Variants in GRIN2B observed in about 807,000 individuals in gnomAD.
The protein encoded by GRIN2B is glutamate ionotropic receptor NMDA type subunit 2B, also known as glutamate receptor ionotropic, NMDA 2B.
Under a neutral mutation model 114.5 loss-of-function variants are expected in GRIN2B, and 5 were observed. That is an observed-to-expected ratio of 0.04 (90% CI 0.02 to 0.09). The LOEUF (loss-of-function observed/expected upper bound fraction) is 0.09. GRIN2B is among the 10% of genes least tolerant of loss of function. GRIN2B has a pLI of 1.00. For synonymous variants in GRIN2B, 787 were observed against 745.1 expected (o/e 1.06, Z -0.92); for missense variants, 1,108 against 1,943.5 (o/e 0.57, Z 8.08).
intron 4 of GRIN2B, among the ~76,000 whole-genome samples, chr12:13,736,593 C>A (rs1448813921): frequency 2.0e-5 from 3 of 152,046 alleles, no homozygotes; most frequent in African/African-American, 7.2e-5. Context: ...CGTCTATTTA[C>A]TTTCAAATAA....
chr12:13,886,860 C>T (rs1023178220), intron 2 of GRIN2B, among the ~76,000 whole-genome samples: 2 of 152,200 alleles, frequency 1.3e-5, no homozygotes, highest in African/African-American at 4.8e-5. Flanking sequence ...TTATACAGTA[C>T]TCATGTCACA....
At chr12:13,666,038 AGCAAAC>A (rs1949971404) in intron 5 of GRIN2B, among the ~76,000 whole-genome samples, 2 of 152,220 alleles carry the variant, frequency 1.3e-5, no homozygotes, top group South Asian at 4.1e-4. Context: ...GACATCTGAC[AGCAAAC>A]GCTTGAGCTA....
chr12:13,941,067 TCACACACACA>T (rs57165618), intron 2 of GRIN2B, among the ~76,000 whole-genome samples: 1 of 150,748 alleles, frequency 6.6e-6, no homozygotes, highest in African/African-American at 2.4e-5. Context: ...ACACATATGT[TCACACACACA>T]CACACACACA....
chr12:13,560,038 G>A lies in GRIN2B; in HGVS notation c.*2745C>T, dbSNP rs1285391040. On this transcript the variant is annotated 3_prime_UTR_variant, in exon 14 of 14. Transcript: ENST00000609686. ...TCTTTGTGTGGAATGTGGTAACCTA[G>A]GGTCTACCTAGAAGATAGGAGTCAG... is the stretch of plus-strand genomic sequence containing the variant. The A allele has an allele frequency of 2.0e-5, 3 of 152,182 alleles. No individual in the cohort carries two copies. The highest frequency in any genetic ancestry group is 4.4e-5 in the Non-Finnish European group (3 of 68,022). 9.4% of individuals were successfully genotyped at this position (152,182 alleles called of 1,614,324 possible).
intron 10 of GRIN2B, among the ~76,000 whole-genome samples, chr12:13,579,855 T>C (rs1345646824): frequency 2.0e-5 from 3 of 152,134 alleles, no homozygotes; most frequent in Non-Finnish European, 4.4e-5. Flanking sequence ...CATTGACATA[T>C]AAATTTCCTG....
intron 4 of GRIN2B, among the ~76,000 whole-genome samples, chr12:13,700,753 TA>T (rs751123285): frequency 6.6e-5 from 10 of 152,220 alleles, no homozygotes; most frequent in Non-Finnish European, 1.3e-4. Context: ...GGGTCCTTCC[TA>T]AACTGTGAAA....
chr12:13,923,593 G>A (rs2136815472), intron 2 of GRIN2B, among the ~76,000 whole-genome samples: 1 of 152,222 alleles, frequency 6.6e-6, no homozygotes, highest in South Asian at 2.1e-4. Context: ...TAAATCCAAG[G>A]GAGTTTAGAG....
chr12:13,954,122 C>G (rs924843493), intron 2 of GRIN2B, among the ~76,000 whole-genome samples: 1 of 152,216 alleles, frequency 6.6e-6, no homozygotes, highest in Non-Finnish European at 1.5e-5. Context: ...CTCAGCCACA[C>G]AATGAGTTGT....
chr12:13,889,245 G>T (rs78384250), intron 2 of GRIN2B, among the ~76,000 whole-genome samples: 1,597 of 152,226 alleles, frequency 0.01, 16 homozygotes, highest in African/African-American at 0.024. Context: ...ATCATCTTAT[G>T]GGACCACCGT....
rs564421878 is a variant in GRIN2B, at chr12:13,571,493, C to T, written c.2171+311G>A. ...CTTGGACAACAGGTCTTTACATACA[C>T]GGCACAAATACCTTATCCTTCACTC... On this transcript the variant is annotated intron_variant, in intron 11 of 13. Coordinates refer to ENST00000609686, the MANE Select transcript of GRIN2B (RefSeq NM_000834.5). 6.6e-5 allele frequency among the ~76,000 whole-genome samples: 10 copies of T among 151,222 alleles called. No homozygotes were observed. The East Asian group carries it at 7.8e-4, about 12-fold the overall frequency.
rs77714030 is a variant in GRIN2B, at chr12:13,542,732, C to T, written c.*20051G>A. On this transcript the variant is annotated 3_prime_UTR_variant, in exon 14 of 14. Transcript: ENST00000609686. ...CTCCCATCTCAGCTCATTTCCCTTC[C>T]TTTACCAACTCCCAAATCCTGCCTA... The T allele has an allele frequency of 0.029, 4,361 of 152,414 alleles. 103 individuals carry two copies. Among genetic ancestry groups the T allele is most frequent in the East Asian group, 0.092 (479 of 5,182 alleles). The allele number at this position is 152,414 out of a possible 1,614,324, so 9.4% of individuals were successfully genotyped here.
intron 2 of GRIN2B, among the ~76,000 whole-genome samples, chr12:13,881,184 T>C (rs763420962): frequency 1.3e-5 from 2 of 152,242 alleles, no homozygotes; most frequent in Non-Finnish European, 2.9e-5. Flanking sequence ...AATATGTTCA[T>C]GAACAACTCC....
intron 2 of GRIN2B, among the ~76,000 whole-genome samples, chr12:13,959,769 CT>C (rs3082919): frequency 0.4 from 53,237 of 132,222 alleles, 10,894 homozygotes; most frequent in Middle Eastern, 0.57. Context: ...TTTTCTTTTT[CT>C]TTTTTTTTTT....
At chr12:13,863,374 A>C (rs1006405744) in intron 3 of GRIN2B, among the ~76,000 whole-genome samples, 1 of 152,222 alleles carries the variant, frequency 6.6e-6, no homozygotes, top group Non-Finnish European at 1.5e-5. Flanking sequence ...ACAAGGGAGA[A>C]AGTGAAGGGT....
At position 13,866,176 on chromosome 12, in the gene GRIN2B, C is replaced by T. The variant is rs199904091; in HGVS notation, c.33G>A (p.Lys11=). 9.9e-6 allele frequency: 16 copies of T among 1,611,770 alleles called. No homozygotes were observed. The highest frequency in any genetic ancestry group is 1.4e-5 in the Non-Finnish European group (16 of 1,179,994). Residue 11 remains lysine, a synonymous_variant, in exon 3 of 14, where the codon AAG becomes AAA. Transcript: ENST00000609686. Reference sequence around the variant, plus strand: ...CCAGGACGGCCAACACCAACCAGAACTTGGGAGAACAGCACTCCGCTCTGG... The same window carrying T: ...CCAGGACGGCCAACACCAACCAGAATTTGGGAGAACAGCACTCCGCTCTGG... MKPRAECCSP[K]FWLVLAVLAV...
At chr12:13,885,014 C>G (rs538685769) in intron 2 of GRIN2B, among the ~76,000 whole-genome samples, 1 of 152,044 alleles carries the variant, frequency 6.6e-6, no homozygotes, top group East Asian at 1.9e-4. Flanking sequence ...TAAGAAACCT[C>G]CCAAAGAGGT....
At chr12:13,708,611 G>A (rs923031525) in intron 4 of GRIN2B, among the ~76,000 whole-genome samples, 1 of 151,754 alleles carries the variant, frequency 6.6e-6, no homozygotes, top group Non-Finnish European at 1.5e-5. Context: ...GAATTTGTGG[G>A]GTTTTTTGAG....
At chr12:13,595,310 G>T (rs1028166913) in intron 10 of GRIN2B, among the ~76,000 whole-genome samples, 2 of 152,030 alleles carry the variant, frequency 1.3e-5, no homozygotes, top group Admixed American at 6.6e-5. Context: ...CCCTTTGCCT[G>T]GTGGATCCTG....
chr12:13,803,670 T>C (rs1864554244), intron 3 of GRIN2B, among the ~76,000 whole-genome samples: 1 of 152,192 alleles, frequency 6.6e-6, no homozygotes, highest in Admixed American at 6.5e-5. Context: ...GGACTGTGAA[T>C]AGGCACAGAA....
Sources: gnomAD v4.1 joint callset for allele counts (sites outside exome capture counted in the v4.1 genomes callset) on GRCh38, gnomAD v4.1.1 for gene constraint, MANE v1.5 for transcripts, NCBI Gene and HGNC (gene_info 2026-07-23, HGNC 2026-07-21) for gene names.